The following LRGUK variants were observed in gnomAD, a reference collection of about 807,000 sequenced individuals.
The protein encoded by LRGUK is leucine-rich repeat and guanylate kinase domain-containing protein.
In LRGUK, 65 loss-of-function variants were observed where a neutral mutation model predicts 76.0. That is an observed-to-expected ratio of 0.85 (90% CI 0.70 to 1.05). The LOEUF is 1.05. LRGUK is among the 50% of genes least tolerant of loss of function. The probability of loss-of-function intolerance (pLI) is 0.00; values close to 1 mark genes in which losing one functional copy is unlikely to be tolerated. For synonymous variants in LRGUK, 268 were observed against 265.6 expected, an observed-to-expected ratio of 1.01 and a Z score of -0.09; for missense variants, 758 against 732.8, an observed-to-expected ratio of 1.03 and a Z score of -0.40.
chr7:134,145,254 TC>T (rs199840728), intron 4 of LRGUK, among the ~76,000 whole-genome samples: 16 of 151,626 alleles, frequency 1.1e-4, no homozygotes, highest in East Asian at 3.9e-4. Flanking sequence ...TCTTTTCTTT[TC>T]TTTTTTTTTA....
At chr7:134,252,062 A>G (rs991609003) in intron 18 of LRGUK, among the ~76,000 whole-genome samples, 3 of 152,192 alleles carry the variant, frequency 2.0e-5, no homozygotes, top group Non-Finnish European at 4.4e-5. Flanking sequence ...GGCCTGGTGC[A>G]GTGGCTCACA....
rs773715119 is a variant in LRGUK at position 134,263,945 on chromosome 7, C to T, written c.2448C>T (p.Thr816=). The change falls in exon 20 of 20, where the codon ACC becomes ACT. Residue 816 remains threonine (T), a synonymous_variant. Coordinates refer to the LRGUK transcript ENST00000285928. ...GCCCAGGTTCCAACGTCAAACCCAC[C>T]CTCCCTCCAATCCCTCAGGGCCGCA... The T allele has an allele frequency of 7.4e-6, 12 of 1,612,356 alleles. No individual in the cohort carries two copies. In the South Asian group the frequency reaches 7.7e-5, roughly 10 times the overall value.
At chr7:134,251,695 G>T (rs1287716207) in intron 18 of LRGUK, among the ~76,000 whole-genome samples, 1 of 151,880 alleles carries the variant, frequency 6.6e-6, no homozygotes, top group Non-Finnish European at 1.5e-5. Context: ...ATCACTTTGG[G>T]TTATTGCATT....
chr7:134,200,033 T>A (rs1169655114), intron 14 of LRGUK, among the ~76,000 whole-genome samples: 6 of 123,626 alleles, frequency 4.9e-5, no homozygotes, highest in South Asian at 5.2e-4. Context: ...TATATATGTA[T>A]AATTTTTTTT....
exon 2 of LRGUK, chr7:134,137,033 A>T: frequency 6.2e-7 from 1 of 1,612,828 alleles, no homozygotes; most frequent in Non-Finnish European, 8.5e-7. Flanking sequence ...GAGGAATTTG[A>T]TGGGGTCCTG....
intron 18 of LRGUK, among the ~76,000 whole-genome samples, chr7:134,251,267 T>G (rs1465210703): frequency 2.0e-5 from 3 of 152,044 alleles, no homozygotes; most frequent in Non-Finnish European, 4.4e-5. Context: ...AAGGAGAAAT[T>G]TGGACACAGG....
intron 19 of LRGUK, among the ~76,000 whole-genome samples, chr7:134,262,373 C>G (rs1802751104): frequency 6.6e-6 from 1 of 152,118 alleles, no homozygotes; most frequent in Admixed American, 6.6e-5. Flanking sequence ...GACTCTGTCT[C>G]AAAAATAAAT....
intron 7 of LRGUK, among the ~76,000 whole-genome samples, chr7:134,164,282 C>G (rs911961024): frequency 2.6e-5 from 4 of 152,024 alleles, no homozygotes; most frequent in African/African-American, 9.7e-5. Context: ...TGCAAATACC[C>G]TAGGAAAGGC....
chr7:134,230,734 G>A (rs529009498), intron 16 of LRGUK, among the ~76,000 whole-genome samples: 8 of 152,134 alleles, frequency 5.3e-5, no homozygotes, highest in Admixed American at 2.0e-4. Context: ...AAAAGAATAC[G>A]CGCTATACAT....
chr7:134,252,364 A>G (rs539669834), intron 18 of LRGUK, among the ~76,000 whole-genome samples: 3 of 148,626 alleles, frequency 2.0e-5, no homozygotes, highest in Admixed American at 6.6e-5. Flanking sequence ...AAATTAAATT[A>G]AATTAAATTA....
Position 134,163,546 on chromosome 7 carries a change from GTTGCAC to G in LRGUK, c.939+9_939+14del, listed in dbSNP as rs550088188. ...TCAACCTGGAGGATAATAAGGTAGTGTTGCACTTCACATGTCTTGGTTTCAGTGTTG... is the reference window on the plus strand; with the variant it reads ...TCAACCTGGAGGATAATAAGGTAGTGTTCACATGTCTTGGTTTCAGTGTTG... On this transcript the variant is annotated splice_region_variant and intron_variant, in intron 7 of 15. Coordinates refer to ENST00000645682, the Ensembl canonical transcript of LRGUK. 3.8e-4 allele frequency: 602 copies of G among 1,604,546 alleles called. 3 individuals carry two copies. In the African/African-American group the frequency reaches 7.3e-3, roughly 19 times the overall value.
intron 19 of LRGUK, among the ~76,000 whole-genome samples, chr7:134,262,614 C>T (rs1802758561): frequency 6.6e-6 from 1 of 152,128 alleles, no homozygotes; most frequent in African/African-American, 2.4e-5. Context: ...TTCTTTTCAA[C>T]ATGTTTGCTT....
chr7:134,242,549 C>A (rs983126321), intron 16 of LRGUK, among the ~76,000 whole-genome samples: 10 of 151,914 alleles, frequency 6.6e-5, no homozygotes, highest in Non-Finnish European at 1.5e-5. Flanking sequence ...TCTGAAATTG[C>A]GGCAATAATT....
chr7:134,261,352 T>C (rs1287534694), intron 19 of LRGUK, among the ~76,000 whole-genome samples: 1 of 152,198 alleles, frequency 6.6e-6, no homozygotes, highest in African/African-American at 2.4e-5. Flanking sequence ...GGTTTGGCCC[T>C]ACATTCCAGC....
downstream of LRGUK, among the ~76,000 whole-genome samples, chr7:134,269,320 TC>T (rs1802917924): frequency 6.6e-6 from 1 of 151,568 alleles, no homozygotes; most frequent in Admixed American, 6.6e-5. Context: ...TGTGGTCAGA[TC>T]AGAGAACATA....
intron 18 of LRGUK, among the ~76,000 whole-genome samples, chr7:134,254,006 C>T (rs58170793): frequency 0.044 from 6,763 of 152,088 alleles, 386 homozygotes; most frequent in African/African-American, 0.13. Context: ...GTAAGAAAAA[C>T]GGTATGGTCC....
exon 14 of LRGUK, chr7:134,199,244 T>C: frequency 6.2e-7 from 1 of 1,613,880 alleles, no homozygotes. Flanking sequence ...GAAATATTCC[T>C]ATTTTGAGCC....
exon 16 of LRGUK, chr7:134,210,203 A>G: frequency 2.5e-6 from 1 of 399,164 alleles, no homozygotes; most frequent in Non-Finnish European, 4.4e-6. Flanking sequence ...AGCTCCCACC[A>G]TGGTGCCCGA....
rs561260129 is a variant in LRGUK, at chr7:134,235,599, A to G, written c.1984-11957A>G. ...AATGCATTAGGCTATTTGCTTATCT[A>G]TTATGCTTGTTGTTGGTCTTCCCCT... On this transcript the variant is annotated intron_variant, in intron 16 of 19. Coordinates refer to the LRGUK transcript ENST00000285928. Among the ~76,000 whole-genome samples the G allele has an allele frequency of 5.9e-5, 9 of 152,058 alleles. No individual in the cohort carries two copies. In the South Asian group the frequency reaches 1.9e-3, roughly 32 times the overall value.
Sources: allele counts gnomAD v4.1 joint callset (sites outside exome capture counted in the v4.1 genomes callset), GRCh38; gene constraint gnomAD v4.1.1; transcripts MANE v1.5; gene names NCBI Gene and HGNC (gene_info 2026-07-23, HGNC 2026-07-21).